Variants in DGKH observed in about 807,000 individuals in gnomAD.
The protein encoded by DGKH is DAG kinase eta.
Under a neutral mutation model 159.3 loss-of-function variants are expected in DGKH, and 90 were observed. The observed-to-expected ratio is 0.57, with a 90% CI of 0.48 to 0.67. The LOEUF is 0.67. Ranked by LOEUF, DGKH falls within the 30% of genes least tolerant of loss-of-function variation. The pLI is 0.00. For missense variants in DGKH, 1,181 were observed against 1,506.1 expected, an observed-to-expected ratio of 0.78 and a Z score of 3.57; for synonymous variants, 536 against 553.8, an observed-to-expected ratio of 0.97 and a Z score of 0.45.
chr13:42,165,378 T>G lies in DGKH; in HGVS notation c.903T>G (p.Gly301=). 1 of 1,594,256 alleles carries G rather than the reference T, an allele frequency of 6.3e-7. No homozygotes were observed. The highest frequency in any genetic ancestry group is 8.5e-7 in the Non-Finnish European group (1 of 1,171,920). Residue 301 remains glycine, a synonymous_variant, in exon 8 of 30, where the codon GGT becomes GGG. Coordinates refer to ENST00000337343, the MANE Select transcript of DGKH (RefSeq NM_178009.5). ...KDLYHPICPL[G]QCKVSIIPPI... ...TATACCATCCAATATGTCCACTTGG[T>G]CAATGTAAAGTATCTATCATACCTC...
intron 30 of DGKH, chr13:42,256,150 T>G: frequency 1.7e-6 from 2 of 1,188,102 alleles, no homozygotes; most frequent in Non-Finnish European, 2.5e-6. Context: ...TGACCATGGT[T>G]GTAGCCCAAG....
chr13:42,172,966 C>A (rs1280400097), intron 11 of DGKH, among the ~76,000 whole-genome samples: 2 of 151,884 alleles, frequency 1.3e-5, no homozygotes, highest in Non-Finnish European at 2.9e-5. Flanking sequence ...TGATTTACTG[C>A]ACCTGGCCTT....
At chr13:42,211,343 G>A (rs973864813) in intron 24 of DGKH, among the ~76,000 whole-genome samples, 2 of 152,152 alleles carry the variant, frequency 1.3e-5, no homozygotes, top group African/African-American at 4.8e-5. Flanking sequence ...TAAGCACATT[G>A]TATTAGTCCA....
chr13:42,196,828 C>G (rs1024312897), intron 17 of DGKH, among the ~76,000 whole-genome samples: 2 of 152,182 alleles, frequency 1.3e-5, no homozygotes, highest in Non-Finnish European at 2.9e-5. Flanking sequence ...AAAGAAAGAT[C>G]AATCTGAAAC....
At chr13:42,071,057 C>A in intron 1 of DGKH, 1 of 1,185,492 alleles carries the variant, frequency 8.4e-7, no homozygotes, top group South Asian at 1.5e-5. Context: ...AGATCAAAAC[C>A]ATGAATGTTC....
At chr13:42,228,793 T>A (rs904549908) in intron 29 of DGKH, among the ~76,000 whole-genome samples, 5 of 152,128 alleles carry the variant, frequency 3.3e-5, no homozygotes, top group Non-Finnish European at 7.4e-5. Context: ...TGTATAATTA[T>A]GAGAATGTCA....
chr13:42,200,153 A>T (rs1255172775), intron 20 of DGKH, among the ~76,000 whole-genome samples: 3 of 152,174 alleles, frequency 2.0e-5, no homozygotes, highest in African/African-American at 7.2e-5. Context: ...TGCCCCACGT[A>T]AAAGTGGAGC....
rs1478482246 is a variant in DGKH, at chr13:42,241,439, AT to A, written c.*12256del. 1 of 152,206 alleles carries A rather than the reference AT, an allele frequency of 6.6e-6. No homozygotes were observed. Among genetic ancestry groups the A allele is most frequent in the Non-Finnish European group, 1.5e-5 (1 of 68,030 alleles). 9.4% of individuals were successfully genotyped at this position (152,206 alleles called of 1,614,324 possible). A position where few individuals can be genotyped will look rare whatever the true frequency, so the allele number is the denominator to read the frequency against. ...CCATTTTTATGTCCACAATTTTTAC[AT>A]TTTTGTATCAGCCACCAATAATTTT... On this transcript the variant is annotated 3_prime_UTR_variant, in exon 30 of 30. Transcript: ENST00000337343.
At chr13:42,122,167 A>G (rs538060858) in intron 1 of DGKH, among the ~76,000 whole-genome samples, 2 of 152,324 alleles carry the variant, frequency 1.3e-5, no homozygotes, top group South Asian at 4.1e-4. Context: ...GAAAGAGGGC[A>G]GAAAGAGAAA....
intron 1 of DGKH, among the ~76,000 whole-genome samples, chr13:42,065,746 C>T (rs139468673): frequency 9.5e-4 from 145 of 152,088 alleles, no homozygotes; most frequent in Non-Finnish European, 1.9e-3. Flanking sequence ...GGGGTCCCAT[C>T]GGAGTAAGTA....
chr13:42,069,124 C>T, intron 1 of DGKH: 1 of 1,390,902 alleles, frequency 7.2e-7, no homozygotes, highest in Non-Finnish European at 1.0e-6. Flanking sequence ...GAAATCCTTC[C>T]TCATTTCTCT....
intron 1 of DGKH, among the ~76,000 whole-genome samples, chr13:42,075,096 A>G (rs1954070491): frequency 6.6e-6 from 1 of 152,172 alleles, no homozygotes; most frequent in African/African-American, 2.4e-5. Flanking sequence ...AGATACATTC[A>G]TATGGTTGGA....
chr13:42,048,030 G>GGTGGGC (rs1246233833), upstream of DGKH, among the ~76,000 whole-genome samples: 2 of 151,462 alleles, frequency 1.3e-5, no homozygotes, highest in African/African-American at 2.4e-5. This position sits in a 1 kb window ranked among gnomAD's most constrained non-coding sequence, Gnocchi z 6.7. Context: ...TGGGGGTGGG[G>GGTGGGC]GTGGGCCAGA....
intron 1 of DGKH, among the ~76,000 whole-genome samples, chr13:42,085,461 C>T (rs75365268): frequency 0.011 from 1,730 of 152,160 alleles, 20 homozygotes; most frequent in East Asian, 0.047. Flanking sequence ...GAGTTTGTGG[C>T]AATAGGTAAT....
At chr13:42,093,801 G>A (rs1594017484) in intron 1 of DGKH, among the ~76,000 whole-genome samples, 2 of 152,132 alleles carry the variant, frequency 1.3e-5, no homozygotes, top group East Asian at 1.9e-4. Flanking sequence ...GAGGTACCTC[G>A]AGTAGTCGAA....
chr13:42,135,715 T>C (rs1229322026), intron 3 of DGKH, among the ~76,000 whole-genome samples: 6 of 152,138 alleles, frequency 3.9e-5, no homozygotes, highest in Non-Finnish European at 8.8e-5. Flanking sequence ...TGTGAATGTA[T>C]TCCTCCCAGA....
At position 42,233,959 on chromosome 13, in the gene DGKH, A is replaced by G. The variant is rs1418337484; in HGVS notation, c.*4771A>G. 1 of 152,228 alleles carries G rather than the reference A, an allele frequency of 6.6e-6. No individual in the cohort carries two copies. Among genetic ancestry groups the G allele is most frequent in the Non-Finnish European group, 1.5e-5 (1 of 68,054 alleles). 9.4% of individuals were successfully genotyped at this position (152,228 alleles called of 1,614,324 possible). A position where few individuals can be genotyped will look rare whatever the true frequency, so the allele number is the denominator to read the frequency against. On this transcript the variant is annotated 3_prime_UTR_variant, in exon 30 of 30. Coordinates refer to ENST00000337343, the MANE Select transcript of DGKH (RefSeq NM_178009.5). ...GTTAGTCATGCAAAAAAAGAAAAGG[A>G]ATGAACCAAGATGATTGCAAGTTAA...
At chr13:42,188,508 G>C (rs1386697101) in intron 14 of DGKH, among the ~76,000 whole-genome samples, 1 of 152,162 alleles carries the variant, frequency 6.6e-6, no homozygotes, top group Admixed American at 6.5e-5. Flanking sequence ...CCACAACTCA[G>C]CCAGATGTGC....
In DGKH at chr13:42,166,665, C is replaced by G; in HGVS notation, c.1109C>G (p.Pro370Arg). The change falls in exon 9 of 30, where the codon CCT becomes CGT. Residue 370 changes from proline (P) to arginine (R), a missense_variant. Physicochemically the swap from Pro to Arg is moderately radical, Grantham distance 103. This residue lies in a region of DGKH where 369 missense variants were observed against 519.4 expected (regional missense o/e 0.71). Transcript: ENST00000337343. ...AQVFDLMNGG[P>R]HLGLRLFQKF... The stretch of plus-strand genomic sequence containing the variant: ...GTGTTTGATTTAATGAATGGAGGTC[C>G]TCATTTAGGGTAACTGATTATTGAT... The G allele has an allele frequency of 6.3e-7, 1 of 1,592,856 alleles. No homozygotes were observed. Among genetic ancestry groups the G allele is most frequent in the African/African-American group, 1.4e-5 (1 of 73,890 alleles).
Sources: allele counts gnomAD v4.1 joint callset (sites outside exome capture counted in the v4.1 genomes callset), GRCh38; gene constraint gnomAD v4.1.1; regional missense constraint gnomAD v4.1.1; non-coding constraint Gnocchi (gnomAD v3.1); transcripts MANE v1.5; gene names NCBI Gene and HGNC (gene_info 2026-07-23, HGNC 2026-07-21).